The following ATG10 variants were observed in gnomAD, a reference collection of about 807,000 sequenced individuals.
The protein encoded by ATG10 is autophagy related 10, also known as ubiquitin-like-conjugating enzyme ATG10.
A neutral mutation model predicts 32.1 loss-of-function variants in ATG10; 30 were observed. The ratio of observed to expected loss-of-function variants is 0.94; its 90% CI spans 0.70 to 1.27. The LOEUF (loss-of-function observed/expected upper bound fraction) is 1.27. Ranked by LOEUF, ATG10 falls within the 50% of genes most tolerant of loss-of-function variation. The probability of loss-of-function intolerance (pLI) is 0.00; values close to 1 mark genes in which losing one functional copy is unlikely to be tolerated. For missense variants in ATG10, 233 were observed against 262.3 expected (o/e 0.89, Z 0.77); for synonymous variants, 87 against 91.5 (o/e 0.95, Z 0.28).
intron 1 of ATG10, among the ~76,000 whole-genome samples, chr5:81,972,767 T>A (rs1760761493): frequency 2.0e-5 from 3 of 152,020 alleles, no homozygotes. Flanking sequence ...CTTTTTTTTT[T>A]AAACCTCCCA....
At chr5:82,080,785 G>A (rs1764451991) in intron 3 of ATG10, among the ~76,000 whole-genome samples, 1 of 152,214 alleles carries the variant, frequency 6.6e-6, no homozygotes, top group African/African-American at 2.4e-5. Context: ...ATAGTTTGAA[G>A]TCAGGTAGCA....
At chr5:82,116,238 T>C (rs1203165600) in intron 3 of ATG10, among the ~76,000 whole-genome samples, 1 of 152,072 alleles carries the variant, frequency 6.6e-6, no homozygotes, top group East Asian at 1.9e-4. Context: ...GTAGTTGGCA[T>C]TGAATTAGGT....
At chr5:82,183,645 T>C (rs1744337579) in intron 5 of ATG10, among the ~76,000 whole-genome samples, 2 of 152,204 alleles carry the variant, frequency 1.3e-5, no homozygotes, top group Admixed American at 1.3e-4. Flanking sequence ...AAGATGGTGA[T>C]GTTCTAATTC....
At position 82,061,121 on chromosome 5, in the gene ATG10, T is replaced by C. The variant is rs540381183; in HGVS notation, c.216+2519T>C. On this transcript the variant is annotated intron_variant, in intron 3 of 7. Coordinates refer to ENST00000282185, the MANE Select transcript of ATG10 (RefSeq NM_031482.5). The stretch of plus-strand genomic sequence containing the variant: ...TAAGCTTCCATTACTGCTGTAGCTC[T>C]GGTAGGCATCCTTCTCTTTTTTTCC... 2.6e-4 allele frequency among the ~76,000 whole-genome samples: 40 copies of C among 152,318 alleles called. 1 individual carries two copies. The highest frequency in any genetic ancestry group is 8.9e-4 in the African/African-American group (37 of 41,584).
At chr5:82,015,331 CTT>C (rs1443860586) in intron 2 of ATG10, among the ~76,000 whole-genome samples, 2 of 152,144 alleles carry the variant, frequency 1.3e-5, no homozygotes, top group African/African-American at 2.4e-5. Context: ...CGAGGAGTAT[CTT>C]TGTGGCATTC....
Position 82,075,362 on chromosome 5 carries a change from T to A in ATG10, c.216+16760T>A, listed in dbSNP as rs530732624. Among the ~76,000 whole-genome samples the A allele has an allele frequency of 2.0e-5, 3 of 152,328 alleles. No homozygotes were observed. The East Asian group carries it at 5.8e-4, about 29-fold the overall frequency. On this transcript the variant is annotated intron_variant, in intron 3 of 7. Transcript: ENST00000282185. ...AGGCAAGAGAAATCAAAGGCTATTT[T>A]GAATGGCATCCAACATCTGTGTGAA...
intron 5 of ATG10, among the ~76,000 whole-genome samples, chr5:82,187,288 A>C (rs551251652): frequency 2.6e-5 from 4 of 152,194 alleles, no homozygotes; most frequent in Non-Finnish European, 4.4e-5. Flanking sequence ...AGGCAGGTAG[A>C]TCACTTGAGG....
At position 82,089,245 on chromosome 5, in the gene ATG10, G is replaced by A. The variant is rs1036098075; in HGVS notation, c.216+30643G>A. 1.7e-4 allele frequency among the ~76,000 whole-genome samples: 26 copies of A among 152,000 alleles called. 1 individual carries two copies. The highest frequency in any genetic ancestry group is 2.6e-4 in the Admixed American group (4 of 15,268). Reference sequence around the variant, plus strand: ...AAATCCCAGCTACTCAGGAGGCTAAGGTAGGAGAATCACTTGAACCCAGGA... The same window carrying A: ...AAATCCCAGCTACTCAGGAGGCTAAAGTAGGAGAATCACTTGAACCCAGGA... On this transcript the variant is annotated intron_variant, in intron 3 of 7. Transcript: ENST00000282185.
intron 4 of ATG10, among the ~76,000 whole-genome samples, chr5:82,170,302 A>G (rs1248713120): frequency 6.6e-6 from 1 of 152,234 alleles, no homozygotes; most frequent in Non-Finnish European, 1.5e-5. Context: ...ATGAGTGCCT[A>G]CTGTGTGCAC....
At chr5:82,242,025 T>A (rs959630500) in intron 5 of ATG10, among the ~76,000 whole-genome samples, 1 of 151,732 alleles carries the variant, frequency 6.6e-6, no homozygotes, top group Non-Finnish European at 1.5e-5. Flanking sequence ...ATAAAAAAAA[T>A]ACAGAATTCA....
chr5:81,987,400 C>G (rs1046548263), intron 1 of ATG10, among the ~76,000 whole-genome samples, 159 bp from the exon 2 acceptor site: 2 of 152,250 alleles, frequency 1.3e-5, no homozygotes, highest in Non-Finnish European at 2.9e-5. Flanking sequence ...GCTGGGATTA[C>G]AGATGTGAGC....
intron 3 of ATG10, among the ~76,000 whole-genome samples, chr5:82,084,222 A>G (rs1764585539): frequency 6.6e-6 from 1 of 152,138 alleles, no homozygotes; most frequent in Non-Finnish European, 1.5e-5. Context: ...AAGTGGAAGA[A>G]AGGGTATCAG....
intron 3 of ATG10, among the ~76,000 whole-genome samples, chr5:82,127,637 G>A (rs1202698502): frequency 6.6e-6 from 1 of 152,148 alleles, no homozygotes; most frequent in Non-Finnish European, 1.5e-5. Flanking sequence ...AGATTGCACT[G>A]TGGTCTGAGA....
At chr5:82,138,940 T>A (rs1464223045) in intron 3 of ATG10, among the ~76,000 whole-genome samples, 1 of 140,386 alleles carries the variant, frequency 7.1e-6, no homozygotes, top group Non-Finnish European at 1.5e-5. Context: ...CTCGGCTCAC[T>A]GCAACCTCCC....
intron 3 of ATG10, among the ~76,000 whole-genome samples, chr5:82,144,287 T>A (rs1767261764): frequency 7.1e-6 from 1 of 140,502 alleles, no homozygotes; most frequent in Non-Finnish European, 1.5e-5. Context: ...TTGGTTTTCT[T>A]ATTTTTTTTC....
intron 2 of ATG10, among the ~76,000 whole-genome samples, chr5:82,007,171 T>A (rs1762007519): frequency 6.6e-6 from 1 of 152,200 alleles, no homozygotes; most frequent in Non-Finnish European, 1.5e-5. Flanking sequence ...TCAAGGTTCA[T>A]TCATTATTTC....
chr5:82,009,595 C>T lies in ATG10; in HGVS notation c.108+21917C>T, dbSNP rs1762073321. ...TGGTTAAGATAAAACACAAGTCAAA[C>T]TTATTCGAGTTGTCCACAGTCAGCA... is the stretch of plus-strand genomic sequence containing the variant. On this transcript the variant is annotated intron_variant, in intron 2 of 7. Coordinates refer to ENST00000282185, the MANE Select transcript of ATG10 (RefSeq NM_031482.5). 4 of 1,581,196 alleles carry T rather than the reference C, an allele frequency of 2.5e-6. No homozygotes were observed. The East Asian group carries it at 6.7e-5, about 26-fold the overall frequency.
chr5:82,223,633 TC>T (rs1302527231), intron 5 of ATG10, among the ~76,000 whole-genome samples: 1 of 152,126 alleles, frequency 6.6e-6, no homozygotes, highest in African/African-American at 2.4e-5. Context: ...TGGTCTTCTT[TC>T]CCCAAAGATG....
intron 3 of ATG10, among the ~76,000 whole-genome samples, chr5:82,156,771 C>T (rs1767814892): frequency 6.6e-6 from 1 of 152,164 alleles, no homozygotes; most frequent in African/African-American, 2.4e-5. Context: ...TTCTGATTTT[C>T]AAATCCATTA....
Sources: gnomAD v4.1 joint callset for allele counts (sites outside exome capture counted in the v4.1 genomes callset) on GRCh38, gnomAD v4.1.1 for gene constraint, MANE v1.5 for transcripts, NCBI Gene and HGNC (gene_info 2026-07-23, HGNC 2026-07-21) for gene names.